Variants in GSN observed in about 807,000 individuals in gnomAD.
GSN encodes actin-depolymerizing factor.
GSN carries 56 observed loss-of-function variants against 85.7 expected under a neutral mutation model. The observed-to-expected ratio is 0.65, with a 90% confidence interval of 0.53 to 0.82. The LOEUF is 0.82. Among genes scored for constraint, GSN ranks in the 40% least tolerant of loss-of-function variants. The probability of loss-of-function intolerance (pLI) is 0.00; values close to 1 mark genes in which losing one functional copy is unlikely to be tolerated. For missense variants in GSN, 857 were observed against 979.8 expected (o/e 0.87, Z 1.67); for synonymous variants, 373 against 399.1 (o/e 0.93, Z 0.78).
chr9:121,238,852 T>C (rs1446179110), intron 5 of GSN: 7 of 529,928 alleles, frequency 1.3e-5, no homozygotes, highest in African/African-American at 3.9e-5. Context: ...ACAGCAATCA[T>C]GGCTTGTACA....
In GSN at chr9:121,261,154, C is replaced by A. The variant is rs553188639; in HGVS notation, c.-340-4000C>A. ...CCCCTCCCATCCCACTGGTGGCCTG[C>A]GGGGACAGCTGAATGCCTTCTGGTC... On this transcript the variant is annotated intron_variant, in intron 6 of 24. Coordinates refer to the GSN transcript ENST00000373823. This position sits in a 1 kb window ranked among gnomAD's most constrained non-coding sequence, Gnocchi z 4.1. 1.3e-5 allele frequency among the ~76,000 whole-genome samples: 2 copies of A among 152,186 alleles called. No individual in the cohort carries two copies. Among genetic ancestry groups the A allele is most frequent in the African/African-American group, 2.4e-5 (1 of 41,442 alleles).
intron 2 of GSN, among the ~76,000 whole-genome samples, chr9:121,291,022 G>A (rs2058630981): frequency 6.7e-6 from 1 of 148,160 alleles, no homozygotes; most frequent in Non-Finnish European, 1.5e-5. Context: ...CCTCATTCGT[G>A]GATTCAACCA....
Position 121,299,348 on chromosome 9 carries a change from C to A in GSN, c.-9-2615C>A, listed in dbSNP as rs2133117250. ...GCCCAGGCCCACTACGGCCTGAGTT[C>A]AAATCCCGGCAGCACCATTTACAAG... On this transcript the variant is annotated intron_variant, in intron 2 of 17. Transcript: ENST00000432226. This position sits in a 1 kb window ranked among gnomAD's most constrained non-coding sequence, Gnocchi z 4.2. The A allele has an allele frequency of 1.0e-6, 1 of 981,502 alleles. No individual in the cohort carries two copies. Among genetic ancestry groups the A allele is most frequent in the East Asian group, 1.1e-4 (1 of 8,760 alleles). 60.8% of individuals were successfully genotyped at this position (981,502 alleles called of 1,614,324 possible). A position where few individuals can be genotyped will look rare whatever the true frequency, so the allele number is the denominator to read the frequency against.
At chr9:121,317,421 T>C in intron 8 of GSN, 1 of 603,052 alleles carries the variant, frequency 1.7e-6, no homozygotes, top group Non-Finnish European at 3.0e-6. Context: ...GGCCTCAGAT[T>C]CCTGATCTGG....
chr9:121,206,748 CTTTGTTTG>C (rs895427045), upstream of GSN, among the ~76,000 whole-genome samples: 2 of 151,798 alleles, frequency 1.3e-5, no homozygotes, highest in African/African-American at 2.4e-5. Context: ...CATCTTTGAA[CTTTGTTTG>C]TTTGTTTGTT....
At chr9:121,289,395 G>A (rs867185094) in intron 2 of GSN, among the ~76,000 whole-genome samples, 1 of 152,244 alleles carries the variant, frequency 6.6e-6, no homozygotes, top group Non-Finnish European at 1.5e-5. Context: ...GGTGAAAGCC[G>A]GGTAATTTTC....
chr9:121,209,033 C>G (rs1249059251), intron 1 of GSN, among the ~76,000 whole-genome samples: 2 of 152,234 alleles, frequency 1.3e-5, no homozygotes, highest in South Asian at 4.1e-4. Flanking sequence ...GACTTCTGAA[C>G]AAGTTGAGAT....
the GSN span, chr9:121,201,818 G>A: frequency 6.6e-6 from 1 of 152,396 alleles, no homozygotes; most frequent in Non-Finnish European, 1.5e-5. Flanking sequence ...AGCAGTGGCA[G>A]CGGTGACTGC....
rs1057514782 is a variant in GSN at position 121,299,058 on chromosome 9, A to T, written c.-9-2905A>T. On this transcript the variant is annotated intron_variant, in intron 2 of 17. Transcript: ENST00000432226. This position sits in a 1 kb window ranked among gnomAD's most constrained non-coding sequence, Gnocchi z 4.2. ...GGTAAACCCTGAACCATCAGCTAAAAGAGGTAGATAGCAGTGGTTGCCCCT... is the reference window on the plus strand; with the variant it reads ...GGTAAACCCTGAACCATCAGCTAAATGAGGTAGATAGCAGTGGTTGCCCCT... Among the ~76,000 whole-genome samples, 1 of 152,262 alleles carries T rather than the reference A, an allele frequency of 6.6e-6. No homozygotes were observed. Among genetic ancestry groups the T allele is most frequent in the African/African-American group, 2.4e-5 (1 of 41,464 alleles).
At chr9:121,301,134 G>A (rs2059798834) in intron 2 of GSN, among the ~76,000 whole-genome samples, 1 of 152,198 alleles carries the variant, frequency 6.6e-6, no homozygotes, top group African/African-American at 2.4e-5. Flanking sequence ...AAGAGCCATT[G>A]AAGATGCTGG....
chr9:121,214,160 T>C (rs1427835751), intron 4 of GSN, among the ~76,000 whole-genome samples: 1 of 152,168 alleles, frequency 6.6e-6, no homozygotes, highest in Non-Finnish European at 1.5e-5. Flanking sequence ...ATGCTAGTTC[T>C]TTTTTTCTCC....
intron 7 of GSN, among the ~76,000 whole-genome samples, chr9:121,315,156 C>T (rs529360534): frequency 3.9e-5 from 6 of 152,144 alleles, no homozygotes; most frequent in Admixed American, 1.3e-4. Context: ...CCAACGCTCC[C>T]GGCCATTTCT....
At chr9:121,287,355 C>G (rs1166117200) in intron 2 of GSN, among the ~76,000 whole-genome samples, 1 of 152,176 alleles carries the variant, frequency 6.6e-6, no homozygotes, top group Non-Finnish European at 1.5e-5. Flanking sequence ...AGGCCCCTCT[C>G]CTGCCTAGCC....
At chr9:121,284,899 C>T (rs1034360656) in intron 2 of GSN, 1 of 167,402 alleles carries the variant, frequency 6.0e-6, no homozygotes, top group Admixed American at 6.5e-5. Flanking sequence ...TGTCACTCCC[C>T]CCACCGCACA....
chr9:121,332,328 C>T lies in GSN; in HGVS notation c.2027-106C>T, dbSNP rs998518344. On this transcript the variant is annotated intron_variant, in intron 17 of 17. Transcript: ENST00000432226. This position sits in a 1 kb window ranked among gnomAD's most constrained non-coding sequence, Gnocchi z 4.8. ...GGGGTGGGCAGTAGGGACAGTAGGACCATAGACCCTCTTCTTTGTCAACTC... is the reference window on the plus strand; with the variant it reads ...GGGGTGGGCAGTAGGGACAGTAGGATCATAGACCCTCTTCTTTGTCAACTC... The T allele has an allele frequency of 3.9e-6, 4 of 1,029,818 alleles. No homozygotes were observed. In the African/African-American group the frequency reaches 4.7e-5, roughly 12 times the overall value. 63.8% of individuals were successfully genotyped at this position (1,029,818 alleles called of 1,614,324 possible). A position where few individuals can be genotyped will look rare whatever the true frequency, so the allele number is the denominator to read the frequency against.
chr9:121,276,149 C>T (rs1197960243), intron 1 of GSN, among the ~76,000 whole-genome samples: 1 of 152,202 alleles, frequency 6.6e-6, no homozygotes, highest in Non-Finnish European at 1.5e-5. Flanking sequence ...CTTTTTGTAA[C>T]AAATCTGTTG....
rs545152606 is a variant in GSN at position 121,328,833 on chromosome 9, G to A, written c.1763-58G>A. ...GGCAGGGCTGGTCCCAGGGTCCGAT[G>A]AGATGGGAGAGAGGGGTGATGGCGT... On this transcript the variant is annotated intron_variant, in intron 14 of 17. Transcript: ENST00000432226. 526 of 1,588,486 alleles carry A rather than the reference G, an allele frequency of 3.3e-4. 2 individuals carry two copies. Among genetic ancestry groups the A allele is most frequent in the Non-Finnish European group, 4.2e-4 (486 of 1,166,596 alleles).
In GSN at chr9:121,251,187, C is replaced by CTTTTTT. The variant is rs58231680; in HGVS notation, c.-341+2872_-341+2877dup. Among the ~76,000 whole-genome samples, 6 of 73,032 alleles carry CTTTTTT rather than the reference C, an allele frequency of 8.2e-5. 1 individual carries two copies. The highest frequency in any genetic ancestry group is 8.7e-4 in the East Asian group (2 of 2,304). 47.9% of individuals were successfully genotyped at this position (73,032 alleles called of 152,430 possible). On this transcript the variant is annotated intron_variant, in intron 6 of 24. Coordinates refer to the GSN transcript ENST00000373823. Reference sequence around the variant, plus strand: ...ATAACATACCTACAGCTGATGTGTTCTTTTTTTTTTTTTGAGATGGATTCT... The same window carrying CTTTTTT: ...ATAACATACCTACAGCTGATGTGTTCTTTTTTTTTTTTTTTTTTTGAGATGGATTCT...
In GSN at chr9:121,301,976, T is replaced by C. The variant is rs2059920388; in HGVS notation, c.5T>C (p.Val2Ala). The part of the protein sequence containing the change: M[V>A]VEHPEFLKAG... ...GTCTCATCCCAGCCCAACAGCATGG[T>C]GGTGGAACACCCCGAGTTCCTCAAG... Residue 2 changes from valine to alanine, a missense_variant, in exon 3 of 18, where the codon GTG (valine) becomes GCG (alanine). Coordinates refer to ENST00000432226, the MANE Select transcript of GSN (RefSeq NM_198252.3). 4 of 1,614,068 alleles carry C rather than the reference T, an allele frequency of 2.5e-6. No individual in the cohort carries two copies. The highest frequency in any genetic ancestry group is 1.6e-4 in the Middle Eastern group (1 of 6,084).
Sources: gnomAD v4.1 joint callset for allele counts (sites outside exome capture counted in the v4.1 genomes callset) on GRCh38, gnomAD v4.1.1 for gene constraint, Gnocchi (gnomAD v3.1) non-coding constraint, MANE v1.5 for transcripts, NCBI Gene and HGNC (gene_info 2026-07-23, HGNC 2026-07-21) for gene names.